The following DIS3L2 variants were observed in gnomAD, a reference collection of about 807,000 sequenced individuals.
DIS3L2 encodes DIS3-like exonuclease 2.
DIS3L2 carries 34 observed loss-of-function variants against 97.5 expected under a neutral mutation model. The ratio of observed to expected loss-of-function variants is 0.35; its 90% confidence interval spans 0.27 to 0.46. The LOEUF (loss-of-function observed/expected upper bound fraction) is 0.46. DIS3L2 is among the 20% of genes least tolerant of loss of function. DIS3L2 has a pLI of 1.00. For missense variants in DIS3L2, 1,038 were observed against 1,146.0 expected, an observed-to-expected ratio of 0.91 and a Z score of 1.36; for synonymous variants, 435 against 445.2, an observed-to-expected ratio of 0.98 and a Z score of 0.29.
At chr2:232,278,588 G>C (rs59616001) in intron 13 of DIS3L2, among the ~76,000 whole-genome samples, 27,847 of 152,116 alleles carry the variant, frequency 0.18, 4,152 homozygotes, top group African/African-American at 0.41. Flanking sequence ...AGTCTGGCCT[G>C]TTTCACTTAG....
intron 8 of DIS3L2, among the ~76,000 whole-genome samples, chr2:232,149,523 G>T (rs1175486338): frequency 6.7e-6 from 1 of 149,406 alleles, no homozygotes. Flanking sequence ...CAAAGGATAT[G>T]AACTCATCAT....
intron 16 of DIS3L2, among the ~76,000 whole-genome samples, chr2:232,331,470 T>TG (rs1166322985): frequency 6.6e-5 from 10 of 152,292 alleles, no homozygotes; most frequent in South Asian, 2.1e-4. Flanking sequence ...TCACAAGAAC[T>TG]GATGGCTTCA....
At chr2:232,048,396 G>A (rs1211638040) in intron 5 of DIS3L2, among the ~76,000 whole-genome samples, 5 of 151,994 alleles carry the variant, frequency 3.3e-5, no homozygotes, top group African/African-American at 1.2e-4. Context: ...TACTTCTGGA[G>A]CATCAAAAGT....
intron 2 of DIS3L2, 45 bp from the exon 3 acceptor site, chr2:232,015,467 TAC>T (rs752840677): frequency 1.3e-6 from 2 of 1,590,004 alleles, no homozygotes; most frequent in Non-Finnish European, 1.7e-6. Context: ...GTTTTAAAAA[TAC>T]ACAGATGTTT....
Position 232,263,400 on chromosome 2 carries a change from G to A in DIS3L2, c.1619G>A (p.Arg540His), listed in dbSNP as rs1008119802. The A allele has an allele frequency of 6.2e-6, 10 of 1,614,038 alleles. No individual in the cohort carries two copies. Among genetic ancestry groups the A allele is most frequent in the African/African-American group, 2.7e-5 (2 of 74,906 alleles). Residue 540 changes from arginine (R) to histidine (H), a missense_variant, in exon 13 of 21, where the codon CGC (arginine) becomes CAC (histidine). Physicochemically the swap from Arg to His is conservative, Grantham distance 29. Coordinates refer to ENST00000325385, the MANE Select transcript of DIS3L2 (RefSeq NM_152383.5). ...LNLHGIAKQL[R>H]QQRFVDGALR... is the part of the protein sequence containing the mutation. ...CTCCACGGAATTGCCAAGCAGTTAC[G>A]CCAGCAGCGCTTTGTGGACGGCGCA...
Position 232,249,229 on chromosome 2 carries a change from C to T in DIS3L2, c.1318-10C>T. 2 of 1,613,286 alleles carry T rather than the reference C, an allele frequency of 1.2e-6. No homozygotes were observed. The highest frequency in any genetic ancestry group is 1.1e-5 in the South Asian group (1 of 90,946). On this transcript the variant is annotated splice_polypyrimidine_tract_variant and intron_variant, in intron 11 of 20. Coordinates refer to ENST00000325385, the MANE Select transcript of DIS3L2 (RefSeq NM_152383.5). The stretch of plus-strand genomic sequence containing the variant: ...AGAAAGGTGCTCATGGGCCTGTGCT[C>T]TATTTACAGGTGGTCCCCATGCTTC...
At chr2:232,113,410 C>T (rs1697598481) in intron 6 of DIS3L2, among the ~76,000 whole-genome samples, 2 of 152,198 alleles carry the variant, frequency 1.3e-5, no homozygotes, top group South Asian at 2.1e-4. Flanking sequence ...ACAGTACTAA[C>T]ACCTTTGCCA....
chr2:232,339,939 G>C (rs988001393), downstream of DIS3L2, among the ~76,000 whole-genome samples: 1 of 152,198 alleles, frequency 6.6e-6, no homozygotes, highest in Non-Finnish European at 1.5e-5. Flanking sequence ...CAGGTCAGGG[G>C]AGCTGGAGCC....
chr2:232,216,340 T>C (rs1416804570), intron 10 of DIS3L2, among the ~76,000 whole-genome samples: 1 of 152,210 alleles, frequency 6.6e-6, no homozygotes, highest in African/African-American at 2.4e-5. Flanking sequence ...CTCTTGGCTC[T>C]AAATGTGGGC....
At chr2:231,983,786 G>A (rs1266770774) in intron 1 of DIS3L2, among the ~76,000 whole-genome samples, 1 of 151,938 alleles carries the variant, frequency 6.6e-6, no homozygotes, top group Non-Finnish European at 1.5e-5. Context: ...CTACTCAGGA[G>A]GCTGAGGCAG....
chr2:232,053,878 A>G (rs1303210657), intron 5 of DIS3L2, among the ~76,000 whole-genome samples: 3 of 152,152 alleles, frequency 2.0e-5, no homozygotes, highest in Non-Finnish European at 4.4e-5. Flanking sequence ...GATTGATTAA[A>G]TCATTGGCCA....
chr2:232,113,910 G>T (rs1012176942), intron 6 of DIS3L2, among the ~76,000 whole-genome samples: 3 of 21,840 alleles, frequency 1.4e-4, no homozygotes, highest in African/African-American at 4.5e-4. Flanking sequence ...ACAGGATTCT[G>T]ACCCTCCCTC....
chr2:232,099,218 G>A (rs532768613), intron 6 of DIS3L2, among the ~76,000 whole-genome samples: 30 of 150,310 alleles, frequency 2.0e-4, no homozygotes, highest in African/African-American at 7.3e-4. Context: ...AGTATTTTTT[G>A]TATTTTTTTT....
At position 232,087,619 on chromosome 2, in the gene DIS3L2, G is replaced by C; in HGVS notation, c.499G>C (p.Glu167Gln). The C allele has an allele frequency of 6.2e-7, 1 of 1,614,204 alleles. No homozygotes were observed. The highest frequency in any genetic ancestry group is 8.5e-7 in the Non-Finnish European group (1 of 1,180,044). The change falls in exon 6 of 21, where the codon GAG becomes CAG. Residue 167 changes from glutamate (E) to glutamine (Q), a missense_variant. Physicochemically the swap from Glu to Gln is conservative, Grantham distance 29 (BLOSUM62 2). This residue lies in a region of DIS3L2 where 813 missense variants were observed against 880.1 expected (regional missense o/e 0.92). Transcript: ENST00000325385. ...SYNDSPDVIV[E>Q]AQFDGSDSED... ...TAATGACAGTCCTGATGTCATTGTA[G>C]AGGCTCAGTTTGATGGCAGCGACTC...
At position 232,276,182 on chromosome 2, in the gene DIS3L2, T is replaced by C. The variant is rs1440896840; in HGVS notation, c.1659+12742T>C. On this transcript the variant is annotated intron_variant, in intron 13 of 20. Transcript: ENST00000325385. This position sits in a 1 kb window ranked among gnomAD's most constrained non-coding sequence, Gnocchi z 4.4. ...CCTCCTAAATAAGAAGATGTGCTAA[T>C]GAATAGCAGAGTCTACTGGTTTCGA... 6.6e-6 allele frequency among the ~76,000 whole-genome samples: 1 copy of C among 152,228 alleles called. No homozygotes were observed. The highest frequency in any genetic ancestry group is 2.4e-5 in the African/African-American group (1 of 41,458).
intron 6 of DIS3L2, among the ~76,000 whole-genome samples, chr2:232,105,876 C>G (rs568884487): frequency 6.6e-6 from 1 of 152,164 alleles, no homozygotes; most frequent in Non-Finnish European, 1.5e-5. Context: ...GCCTATCATC[C>G]CCATGGCTTT....
intron 14 of DIS3L2, among the ~76,000 whole-genome samples, chr2:232,308,881 G>C (rs564298703): frequency 6.6e-6 from 1 of 152,160 alleles, no homozygotes; most frequent in African/African-American, 2.4e-5. Context: ...ACCACACTGC[G>C]GTTCTCTGTT....
intron 13 of DIS3L2, among the ~76,000 whole-genome samples, chr2:232,273,590 T>C (rs1435282591): frequency 6.6e-6 from 1 of 152,186 alleles, no homozygotes; most frequent in East Asian, 1.9e-4. Context: ...ATGAGGACTT[T>C]CTCAAGGTGG....
chr2:232,234,309 C>T (rs1180890285), intron 10 of DIS3L2, among the ~76,000 whole-genome samples: 1 of 152,192 alleles, frequency 6.6e-6, no homozygotes, highest in Non-Finnish European at 1.5e-5. Flanking sequence ...ACAGAGGAGA[C>T]ATTTAATAAA....
Sources: allele counts gnomAD v4.1 joint callset (sites outside exome capture counted in the v4.1 genomes callset), GRCh38; gene constraint gnomAD v4.1.1; regional missense constraint gnomAD v4.1.1; non-coding constraint Gnocchi (gnomAD v3.1); transcripts MANE v1.5; gene names NCBI Gene and HGNC (gene_info 2026-07-23, HGNC 2026-07-21).